GXYLT1: variants seen among roughly 807,000 people sequenced by gnomAD.
GXYLT1 encodes the protein glucoside xylosyltransferase 1.
Under a neutral mutation model 54.0 loss-of-function variants are expected in GXYLT1, and 29 were observed. The observed-to-expected ratio is 0.54, with a 90% CI of 0.40 to 0.73. GXYLT1 has a LOEUF of 0.73. Ranked by LOEUF, GXYLT1 falls within the 30% of genes least tolerant of loss-of-function variation. The pLI is 0.00. For missense variants in GXYLT1, 490 were observed against 553.4 expected (o/e 0.89, Z 1.15); for synonymous variants, 176 against 204.1 (o/e 0.86, Z 1.17).
chr12:42,098,203 AG>A (rs1416246228), intron 5 of GXYLT1, among the ~76,000 whole-genome samples, 170 bp from the exon 6 acceptor site: 6 of 152,204 alleles, frequency 3.9e-5, no homozygotes, highest in Admixed American at 6.5e-5. Flanking sequence ...AGGGCTGTAC[AG>A]TAAAACAGAA....
In GXYLT1 at chr12:42,087,849, T is replaced by A. The variant is rs749655011; in HGVS notation, c.1260A>T (p.Ile420=). Residue 420 remains isoleucine, a synonymous_variant, in exon 8 of 8, where the codon ATA becomes ATT. Transcript: ENST00000398675. ...CACTTTTTGCTAGTTGTTTGATAAA[T>A]ATTTTGTAAATTTTTCCACAGTATG... The part of the protein sequence containing the change: ...VHTYCGKIYK[I]FIKQLAKSVR... The A allele has an allele frequency of 6.2e-7, 1 of 1,607,060 alleles. No individual in the cohort carries two copies. Among genetic ancestry groups the A allele is most frequent in the Non-Finnish European group, 8.5e-7 (1 of 1,176,448 alleles).
At chr12:42,106,188 A>G (rs2065420200) in intron 4 of GXYLT1, 119 bp from the exon 5 acceptor site, 2 of 654,760 alleles carry the variant, frequency 3.1e-6, no homozygotes, top group Admixed American at 3.4e-5. Flanking sequence ...ATTTTATTTT[A>G]AGGTAATCTT....
At chr12:42,089,837 C>A (rs1480569586) in intron 7 of GXYLT1, among the ~76,000 whole-genome samples, 2 of 152,144 alleles carry the variant, frequency 1.3e-5, no homozygotes, top group Non-Finnish European at 2.9e-5. Flanking sequence ...AAAGTGTAGC[C>A]AGGTTGAAGA....
intron 7 of GXYLT1, among the ~76,000 whole-genome samples, chr12:42,094,452 AT>A (rs1290218448): frequency 6.6e-6 from 1 of 152,046 alleles, no homozygotes; most frequent in Non-Finnish European, 1.5e-5. Flanking sequence ...CAGCTCGGTA[AT>A]TCAAGACCAG....
chr12:42,097,907 TACCTGGATTATGAAAAA>T lies in GXYLT1; in HGVS notation c.974_988+2del. 1 of 1,573,596 alleles carries T rather than the reference TACCTGGATTATGAAAAA, an allele frequency of 6.4e-7. No homozygotes were observed. Among genetic ancestry groups the T allele is most frequent in the Non-Finnish European group, 8.7e-7 (1 of 1,154,758 alleles). Reference sequence around the variant, plus strand: ...TGCAAATAAAAGGAATTTAAATAATTACCTGGATTATGAAAAAACACGATATTCAATAGATCTTGATC... The same window carrying T: ...TGCAAATAAAAGGAATTTAAATAATTACACGATATTCAATAGATCTTGATC... On this transcript the variant is annotated splice_donor_variant and coding_sequence_variant, in exon 6 of 8. Coordinates refer to ENST00000398675, the MANE Select transcript of GXYLT1 (RefSeq NM_173601.2). LOFTEE classifies it high-confidence loss of function.
chr12:42,117,338 A>C (rs1347852198), intron 3 of GXYLT1, among the ~76,000 whole-genome samples: 2 of 152,092 alleles, frequency 1.3e-5, no homozygotes, highest in Non-Finnish European at 2.9e-5. Context: ...ATTATCTAAC[A>C]AAAATACAGA....
rs7136450 is a variant in GXYLT1, at chr12:42,111,860, T to A, written c.487-2169A>T. On this transcript the variant is annotated intron_variant, in intron 3 of 7. Transcript: ENST00000398675. ...CTCCTCAAGTGGGGTCCCTGAACCC[T>A]GAGTAGCCTAACTGGGAGGCACCCC... Among the ~76,000 whole-genome samples the A allele has an allele frequency of 7.9e-5, 12 of 152,050 alleles. 1 individual carries two copies. Among genetic ancestry groups the A allele is most frequent in the Non-Finnish European group, 1.8e-4 (12 of 67,994 alleles).
In GXYLT1 at chr12:42,132,437, C is replaced by T. The variant is rs898054129; in HGVS notation, c.222-2586G>A. On this transcript the variant is annotated intron_variant, in intron 1 of 7. Transcript: ENST00000398675. ...TAAATTTTGAAAATTTGTGTTTCTA[C>T]GAATACTTCAATCAATACATTTTAT... Among the ~76,000 whole-genome samples, 4 of 152,094 alleles carry T rather than the reference C, an allele frequency of 2.6e-5. No individual in the cohort carries two copies. In the South Asian group the frequency reaches 6.2e-4, roughly 24 times the overall value.
intron 1 of GXYLT1, among the ~76,000 whole-genome samples, chr12:42,140,197 A>AAGAG (rs2065643747): frequency 3.2e-5 from 1 of 31,300 alleles, no homozygotes; most frequent in Non-Finnish European, 5.8e-5. Flanking sequence ...AAAAAAAAAA[A>AAGAG]GGCGGGGGGG....
At chr12:42,090,388 T>A (rs577495886) in intron 7 of GXYLT1, among the ~76,000 whole-genome samples, 2 of 152,336 alleles carry the variant, frequency 1.3e-5, no homozygotes, top group African/African-American at 4.8e-5. Context: ...AGACCTCTTT[T>A]TATACTATAT....
In GXYLT1 at chr12:42,097,591, G is replaced by C. The variant is rs770582666; in HGVS notation, c.1012C>G (p.Gln338Glu). The part of the protein sequence containing the change: ...NPESLFVFPC[Q>E]WNYRPDHCIY... ...CAATGATCTGGTCGATAATTCCATT[G>C]ACACGGAAAAACAAAAAGGCTTTCT... Residue 338 changes from glutamine to glutamate, a missense_variant, in exon 7 of 8, where the codon CAA becomes GAA. Gln to Glu is a conservative substitution (Grantham distance 29). Coordinates refer to ENST00000398675, the MANE Select transcript of GXYLT1 (RefSeq NM_173601.2). 2 of 1,605,072 alleles carry C rather than the reference G, an allele frequency of 1.2e-6. No homozygotes were observed. The highest frequency in any genetic ancestry group is 1.1e-5 in the South Asian group (1 of 88,566).
chr12:42,109,612 C>G lies in GXYLT1; in HGVS notation c.566G>C (p.Trp189Ser). Residue 189 changes from tryptophan to serine, a missense_variant, in exon 4 of 8, where the codon TGG (tryptophan) becomes TCG (serine). Trp to Ser is a radical substitution (Grantham distance 177). Around this residue, in one of 2 missense-constraint regions of GXYLT1, gnomAD observed 342 missense variants for 342.6 expected, o/e 1.00. Transcript: ENST00000398675. The part of the protein sequence containing the change: ...ITFPSENAAE[W>S]KKLFKPCASQ... ...AGCACATGGTTTAAAGAGTTTTTTC[C>G]ACTCTGCTGCATTCTCACTTGGAAA... The G allele has an allele frequency of 6.3e-7, 1 of 1,594,030 alleles. No homozygotes were observed. The highest frequency in any genetic ancestry group is 8.5e-7 in the Non-Finnish European group (1 of 1,171,832).
chr12:42,115,287 C>T (rs1252338059), intron 3 of GXYLT1, among the ~76,000 whole-genome samples: 2 of 152,186 alleles, frequency 1.3e-5, no homozygotes, highest in Non-Finnish European at 2.9e-5. Context: ...CCAGGGCAAT[C>T]AGGCAGGAGA....
Position 42,084,938 on chromosome 12 carries a change from G to A in GXYLT1, c.*2848C>T, listed in dbSNP as rs921736218. 1 of 87,264 alleles carries A rather than the reference G, an allele frequency of 1.1e-5. No individual in the cohort carries two copies. Among genetic ancestry groups the A allele is most frequent in the African/African-American group, 4.1e-5 (1 of 24,356 alleles). The allele number at this position is 87,264 out of a possible 1,614,324, so 5.4% of individuals were successfully genotyped here. ...TAGCCCAGAGATAGTTCTGAGGTCA[G>A]AATACATAGACTCAAATAATAAATC... On this transcript the variant is annotated 3_prime_UTR_variant, in exon 8 of 8. Transcript: ENST00000398675.
At chr12:42,120,996 T>C (rs2136907458) in intron 2 of GXYLT1, among the ~76,000 whole-genome samples, 1 of 152,346 alleles carries the variant, frequency 6.6e-6, no homozygotes, top group Non-Finnish European at 1.5e-5. Context: ...GACTTTCTAC[T>C]CTTTCTACGT....
intron 3 of GXYLT1, 82 bp downstream of exon 3, chr12:42,118,918 A>C: frequency 9.6e-7 from 1 of 1,041,278 alleles, no homozygotes; most frequent in Non-Finnish European, 1.4e-6. Context: ...AGCAATGTGA[A>C]CAGACTATTA....
chr12:42,111,806 A>G (rs889134961), intron 3 of GXYLT1, among the ~76,000 whole-genome samples: 1 of 152,214 alleles, frequency 6.6e-6, no homozygotes, highest in Non-Finnish European at 1.5e-5. Context: ...CCCAGCACGC[A>G]GCTTCAGATG....
At chr12:42,108,147 T>A (rs976051818) in intron 4 of GXYLT1, among the ~76,000 whole-genome samples, 1 of 152,198 alleles carries the variant, frequency 6.6e-6, no homozygotes, top group African/African-American at 2.4e-5. Flanking sequence ...TAAAATTCCA[T>A]TTAGGGATTT....
intron 6 of GXYLT1, 95 bp downstream of exon 6, chr12:42,097,815 A>C (rs998764103): frequency 1.0e-5 from 11 of 1,074,108 alleles, no homozygotes; most frequent in Non-Finnish European, 1.3e-5. Context: ...ATAATCATTA[A>C]TATAAGACAG....
Sources: allele counts gnomAD v4.1 joint callset (sites outside exome capture counted in the v4.1 genomes callset), GRCh38; gene constraint gnomAD v4.1.1; regional missense constraint gnomAD v4.1.1; transcripts MANE v1.5; gene names NCBI Gene and HGNC (gene_info 2026-07-23, HGNC 2026-07-21).